COL24A1: variants seen among roughly 807,000 people sequenced by gnomAD.
COL24A1 encodes the protein collagen alpha-1(XXIV) chain.
COL24A1 carries 224 observed loss-of-function variants against 253.9 expected under a neutral mutation model. The observed-to-expected ratio is 0.88, with a 90% confidence interval of 0.79 to 0.99. COL24A1 has a LOEUF of 0.99. Ranked by LOEUF, COL24A1 falls within the 50% of genes least tolerant of loss-of-function variation. The probability of loss-of-function intolerance (pLI) is 0.00; values close to 1 mark genes in which losing one functional copy is unlikely to be tolerated. For missense variants in COL24A1, 2,131 were observed against 2,068.5 expected (o/e 1.03, Z -0.59); for synonymous variants, 685 against 673.7 (o/e 1.02, Z -0.26).
At chr1:85,862,298 C>T (rs1679244588) in intron 37 of COL24A1, among the ~76,000 whole-genome samples, 1 of 152,128 alleles carries the variant, frequency 6.6e-6, no homozygotes, top group Non-Finnish European at 1.5e-5. Flanking sequence ...TCAAAAACTT[C>T]ATCGAATTCA....
chr1:85,771,790 A>ATTTATTTG (rs1210099244), intron 53 of COL24A1, among the ~76,000 whole-genome samples: 2 of 150,104 alleles, frequency 1.3e-5, no homozygotes, highest in African/African-American at 4.9e-5. Context: ...TTATTTATTT[A>ATTTATTTG]TTTATTTATT....
chr1:85,760,259 G>A (rs564194026), intron 55 of COL24A1, among the ~76,000 whole-genome samples: 3 of 151,870 alleles, frequency 2.0e-5, no homozygotes, highest in Admixed American at 2.0e-4. Context: ...TGGCCAGGCT[G>A]GTCTCAAACT....
intron 43 of COL24A1, among the ~76,000 whole-genome samples, chr1:85,829,241 G>GA (rs1485784501): frequency 2.0e-5 from 3 of 151,758 alleles, no homozygotes; most frequent in Non-Finnish European, 2.9e-5. Flanking sequence ...TAAGAATGTT[G>GA]ATATTGGCCC....
chr1:85,976,485 C>T (rs1360863864), intron 20 of COL24A1, among the ~76,000 whole-genome samples: 2 of 152,094 alleles, frequency 1.3e-5, no homozygotes, highest in Non-Finnish European at 2.9e-5. Flanking sequence ...CAAGCCCTGC[C>T]CAAGGAGAGA....
rs374363634 is a variant in COL24A1 at position 86,017,196 on chromosome 1, T to C, written c.2265A>G (p.Thr755=). 3.5e-5 allele frequency: 54 copies of C among 1,565,044 alleles called. No individual in the cohort carries two copies. The African/African-American group carries it at 6.5e-4, about 19-fold the overall frequency. ...MRGKSGPSGQ[T]GDPGLQGPSG... ...ATGGTCCTTGGAGTCCTGGGTCACC[T>C]GTTTGGCCCTAAAATGGGGGGGGAG... is the stretch of plus-strand genomic sequence containing the variant. The change falls in exon 19 of 60, where the codon ACA becomes ACG. Residue 755 remains threonine (T), a synonymous_variant. Coordinates refer to ENST00000370571, the MANE Select transcript of COL24A1 (RefSeq NM_152890.7).
intron 31 of COL24A1, among the ~76,000 whole-genome samples, chr1:85,894,226 C>T (rs117975975): frequency 1.9e-3 from 288 of 152,220 alleles, no homozygotes; most frequent in East Asian, 0.015. Context: ...CTAAGTAAAC[C>T]TCAACAACTA....
At chr1:85,971,445 T>G (rs1482284528) in intron 20 of COL24A1, 52 bp from the exon 21 acceptor site, 1 of 1,408,614 alleles carries the variant, frequency 7.1e-7, no homozygotes, top group South Asian at 1.2e-5. Flanking sequence ...CAACTGACAT[T>G]TTGATAAATC....
intron 24 of COL24A1, among the ~76,000 whole-genome samples, chr1:85,934,275 A>G (rs908298175): frequency 2.0e-4 from 31 of 152,232 alleles, no homozygotes; most frequent in African/African-American, 7.5e-4. Flanking sequence ...GCATTCAAAA[A>G]GAGCCAAAGT....
chr1:86,126,988 A>C (rs1648402286), intron 2 of COL24A1, among the ~76,000 whole-genome samples: 1 of 152,086 alleles, frequency 6.6e-6, no homozygotes, highest in African/African-American at 2.4e-5. Context: ...CTTAAAGTAT[A>C]ATTTTTCAGG....
chr1:85,786,494 A>G (rs748924094), intron 47 of COL24A1, 33 bp from the exon 48 acceptor site: 16 of 1,586,788 alleles, frequency 1.0e-5, no homozygotes, highest in Admixed American at 3.5e-5. Flanking sequence ...GAAAACTGGG[A>G]AAGTTTCTAA....
intron 43 of COL24A1, among the ~76,000 whole-genome samples, chr1:85,829,643 A>G (rs1353079448): frequency 6.6e-6 from 1 of 151,648 alleles, no homozygotes; most frequent in East Asian, 1.9e-4. Flanking sequence ...TTTCTCTCTA[A>G]ACTTCCCTTC....
At chr1:86,099,728 C>A (rs936769493) in intron 5 of COL24A1, among the ~76,000 whole-genome samples, 1 of 152,110 alleles carries the variant, frequency 6.6e-6, no homozygotes, top group African/African-American at 2.4e-5. Flanking sequence ...TTTATCCATG[C>A]CATCATCACA....
intron 23 of COL24A1, 106 bp from the exon 24 acceptor site, chr1:85,961,399 GA>G: frequency 1.1e-6 from 1 of 874,682 alleles, no homozygotes; most frequent in Non-Finnish European, 1.8e-6. Flanking sequence ...TCATAACCTA[GA>G]AAAAGGCAAA....
intron 19 of COL24A1, among the ~76,000 whole-genome samples, chr1:85,990,348 G>T (rs946551465): frequency 2.0e-5 from 3 of 152,162 alleles, no homozygotes; most frequent in Non-Finnish European, 2.9e-5. Flanking sequence ...TAAGATTGCG[G>T]CATGGAGGAT....
intron 24 of COL24A1, among the ~76,000 whole-genome samples, chr1:85,915,259 C>T (rs542366402): frequency 5.1e-4 from 77 of 152,306 alleles, no homozygotes; most frequent in African/African-American, 1.8e-3. Context: ...AGCATTGACT[C>T]CTAGTTCTCA....
At chr1:85,845,034 AG>A (rs2102283994) in intron 39 of COL24A1, among the ~76,000 whole-genome samples, 1 of 152,120 alleles carries the variant, frequency 6.6e-6, no homozygotes, top group South Asian at 2.1e-4. Context: ...GATGGAATGA[AG>A]AAATAGGCCT....
At chr1:85,765,640 C>T (rs539389863) in intron 53 of COL24A1, among the ~76,000 whole-genome samples, 1 of 151,962 alleles carries the variant, frequency 6.6e-6, no homozygotes, top group Non-Finnish European at 1.5e-5. Flanking sequence ...ATTTGAGAGG[C>T]TGAGGTGGGA....
chr1:85,769,132 A>C (rs928566774), intron 53 of COL24A1, among the ~76,000 whole-genome samples: 23 of 152,134 alleles, frequency 1.5e-4, no homozygotes, highest in African/African-American at 4.1e-4. Flanking sequence ...CCAACACCTC[A>C]ATTTTGTCTA....
chr1:85,794,720 C>A (rs1670636351), intron 47 of COL24A1, among the ~76,000 whole-genome samples: 1 of 152,094 alleles, frequency 6.6e-6, no homozygotes, highest in Admixed American at 6.5e-5. Context: ...TAAAACAATT[C>A]AGCCTATGTT....
Sources: gnomAD v4.1 joint callset for allele counts (sites outside exome capture counted in the v4.1 genomes callset) on GRCh38, gnomAD v4.1.1 for gene constraint, MANE v1.5 for transcripts, NCBI Gene and HGNC (gene_info 2026-07-23, HGNC 2026-07-21) for gene names.